PDK1: variants seen among roughly 807,000 people sequenced by gnomAD.
The protein encoded by PDK1 is pyruvate dehydrogenase kinase 1.
In PDK1, 39 loss-of-function variants were observed where a neutral mutation model predicts 54.2. The ratio of observed to expected loss-of-function variants is 0.72; its 90% CI spans 0.56 to 0.94. The LOEUF is 0.94. PDK1 is among the 40% of genes least tolerant of loss of function. The pLI, the probability that PDK1 is intolerant of heterozygous loss-of-function variation, is 0.00. For synonymous variants in PDK1, 221 were observed against 207.1 expected (o/e 1.07, Z -0.58); for missense variants, 552 against 566.0 (o/e 0.98, Z 0.25).
chr2:172,702,960 C>G, the PDK1 span, among the ~76,000 whole-genome samples: 1 of 152,076 alleles, frequency 6.6e-6, no homozygotes, highest in Non-Finnish European at 1.5e-5. Flanking sequence ...TTCCTAATTC[C>G]TGGAAACTTT....
intron 7 of PDK1, among the ~76,000 whole-genome samples, chr2:172,570,416 A>C (rs963011533): frequency 6.6e-6 from 1 of 152,238 alleles, no homozygotes; most frequent in Non-Finnish European, 1.5e-5. Context: ...TGTTTTGCCC[A>C]TCATTTACTA....
chr2:172,626,671 G>A, the PDK1 span, among the ~76,000 whole-genome samples: 2 of 151,918 alleles, frequency 1.3e-5, no homozygotes, highest in Admixed American at 1.3e-4. Context: ...GTGCATTCCT[G>A]TAGTCCCAGC....
intron 8 of PDK1, among the ~76,000 whole-genome samples, chr2:172,585,934 G>A (rs1055404025): frequency 2.0e-5 from 3 of 152,080 alleles, no homozygotes; most frequent in African/African-American, 7.2e-5. Flanking sequence ...GGGAGGCCAA[G>A]ACAGGCAGAT....
chr2:172,693,017 G>A, the PDK1 span, among the ~76,000 whole-genome samples: 1 of 152,148 alleles, frequency 6.6e-6, no homozygotes, highest in Admixed American at 6.5e-5. Context: ...GCACCCACTG[G>A]GTGGTGTTTG....
chr2:172,609,441 T>C (rs1159294260), downstream of PDK1, among the ~76,000 whole-genome samples: 1 of 152,238 alleles, frequency 6.6e-6, no homozygotes, highest in Non-Finnish European at 1.5e-5. Flanking sequence ...GATTTTATGC[T>C]TTTTTGATTA....
chr2:172,577,573 G>A (rs1042022299), intron 8 of PDK1, among the ~76,000 whole-genome samples: 7 of 151,616 alleles, frequency 4.6e-5, no homozygotes, highest in South Asian at 2.1e-4. Context: ...TTTTAATTTC[G>A]TTCTTGTTTT....
At chr2:172,590,064 A>G (rs528562154) in intron 9 of PDK1, among the ~76,000 whole-genome samples, 1 of 152,216 alleles carries the variant, frequency 6.6e-6, no homozygotes, top group South Asian at 2.1e-4. Context: ...GAGTGCTGGT[A>G]TGTTTTGAAG....
the PDK1 span, among the ~76,000 whole-genome samples, chr2:172,621,846 GATACATGTTTATATCTCATATGTATGAT>G: frequency 8.5e-6 from 1 of 117,052 alleles, no homozygotes; most frequent in East Asian, 3.2e-4. Context: ...TCATATGTAT[GATACATGTTTATATCTCATATGTATGAT>G]ATATGTTTAT....
the PDK1 span, among the ~76,000 whole-genome samples, chr2:172,714,701 G>A: frequency 6.6e-6 from 1 of 152,026 alleles, no homozygotes; most frequent in Non-Finnish European, 1.5e-5. Context: ...TTTTAAATTA[G>A]GTTATATGTC....
intron 2 of PDK1, among the ~76,000 whole-genome samples, chr2:172,559,298 G>A (rs1421758464): frequency 1.3e-5 from 2 of 152,148 alleles, no homozygotes; most frequent in East Asian, 1.9e-4. Context: ...GCAGGTGGGG[G>A]CAATGTATTT....
the PDK1 span, among the ~76,000 whole-genome samples, chr2:172,614,168 A>G: frequency 1.7e-5 from 2 of 120,982 alleles, no homozygotes; most frequent in Non-Finnish European, 3.3e-5. Flanking sequence ...GGGTCCCAGG[A>G]AGGACCCCCC....
At chr2:172,633,527 A>G in the PDK1 span, among the ~76,000 whole-genome samples, 1 of 151,174 alleles carries the variant, frequency 6.6e-6, no homozygotes, top group African/African-American at 2.4e-5. Flanking sequence ...TGCTAAGAGC[A>G]TTCCTACATT....
chr2:172,632,438 G>A, the PDK1 span, among the ~76,000 whole-genome samples: 1 of 152,182 alleles, frequency 6.6e-6, no homozygotes, highest in Non-Finnish European at 1.5e-5. Context: ...AAGAATTTTA[G>A]TGAGTTTTTT....
downstream of PDK1, among the ~76,000 whole-genome samples, chr2:172,609,907 C>T (rs750729707): frequency 7.9e-5 from 12 of 152,010 alleles, no homozygotes; most frequent in South Asian, 2.1e-4. Context: ...CTGCAACCTC[C>T]GCCTCCTAGG....
the PDK1 span, among the ~76,000 whole-genome samples, chr2:172,721,571 C>G: frequency 6.6e-6 from 1 of 152,202 alleles, no homozygotes. Context: ...CTCCTGACCT[C>G]AGGTAATCTG....
At chr2:172,634,262 A>ATATTATTAATTATTAT in the PDK1 span, among the ~76,000 whole-genome samples, 2 of 139,464 alleles carry the variant, frequency 1.4e-5, no homozygotes, top group Admixed American at 1.5e-4. Flanking sequence ...AAATCTATTT[A>ATATTATTAATTATTAT]TATTATTATT....
the PDK1 span, among the ~76,000 whole-genome samples, chr2:172,628,005 A>C: frequency 6.6e-6 from 1 of 152,104 alleles, no homozygotes; most frequent in Non-Finnish European, 1.5e-5. Flanking sequence ...GCTGACCCCA[A>C]ATTATTAAAC....
chr2:172,668,576 C>T, the PDK1 span, among the ~76,000 whole-genome samples: 12 of 151,688 alleles, frequency 7.9e-5, no homozygotes, highest in East Asian at 1.9e-3. Flanking sequence ...TTGACTCTCT[C>T]ATCTACTCTC....
chr2:172,654,526 T>C, the PDK1 span, among the ~76,000 whole-genome samples: 2 of 150,330 alleles, frequency 1.3e-5, no homozygotes, highest in African/African-American at 4.9e-5. Flanking sequence ...AACCAAACAC[T>C]GCATGTTCTC....
Sources: allele counts gnomAD v4.1 joint callset (sites outside exome capture counted in the v4.1 genomes callset), GRCh38; gene constraint gnomAD v4.1.1; transcripts MANE v1.5; gene names NCBI Gene and HGNC (gene_info 2026-07-23, HGNC 2026-07-21).